The following DPP10 variants were observed in gnomAD, a reference collection of about 807,000 sequenced individuals.
DPP10 encodes the protein dipeptidyl peptidase like 10, also known as inactive dipeptidyl peptidase 10.
DPP10 carries 33 observed loss-of-function variants against 120.9 expected under a neutral mutation model. That is an observed-to-expected ratio of 0.27 (90% CI 0.21 to 0.37). The LOEUF (loss-of-function observed/expected upper bound fraction) is 0.37, where lower values mean the gene tolerates loss of function less well. Ranked by LOEUF, DPP10 falls within the 10% of genes least tolerant of loss-of-function variation. The pLI is 1.00. For synonymous variants in DPP10, 337 were observed against 326.1 expected, an observed-to-expected ratio of 1.03 and a Z score of -0.36; for missense variants, 816 against 942.8, an observed-to-expected ratio of 0.87 and a Z score of 1.76.
intron 1 of DPP10, among the ~76,000 whole-genome samples, chr2:115,029,309 G>A (rs573569379): frequency 1.3e-4 from 20 of 151,862 alleles, no homozygotes; most frequent in South Asian, 2.1e-4. Context: ...TACTGTTTTC[G>A]ATAGATTAGT....
chr2:115,363,070 A>G (rs1173989814), intron 3 of DPP10, among the ~76,000 whole-genome samples: 1 of 152,190 alleles, frequency 6.6e-6, no homozygotes, highest in African/African-American at 2.4e-5. Flanking sequence ...TGTCAACAGC[A>G]TCTGAAAGCA....
intron 5 of DPP10, among the ~76,000 whole-genome samples, chr2:115,534,689 G>A (rs2078694852): frequency 6.6e-6 from 1 of 150,792 alleles, no homozygotes; most frequent in African/African-American, 2.5e-5. Flanking sequence ...TCGCCACACT[G>A]AGTTCCACAA....
intron 1 of DPP10, among the ~76,000 whole-genome samples, chr2:114,922,172 A>G (rs1450522828): frequency 1.3e-5 from 2 of 152,220 alleles, no homozygotes; most frequent in African/African-American, 4.8e-5. Flanking sequence ...GAATACTCTC[A>G]GAATTGTTCA....
chr2:114,636,631 C>T (rs1361538386), intron 1 of DPP10, among the ~76,000 whole-genome samples: 1 of 151,920 alleles, frequency 6.6e-6, no homozygotes, highest in Admixed American at 6.5e-5. Context: ...TCCATGTTTG[C>T]TCAGATGTCC....
chr2:115,143,327 G>A (rs1169429554), intron 1 of DPP10, among the ~76,000 whole-genome samples: 1 of 152,152 alleles, frequency 6.6e-6, no homozygotes, highest in African/African-American at 2.4e-5. Flanking sequence ...TTCAGAGGAT[G>A]GAAGTTAAAG....
At chr2:114,772,749 G>C (rs1316839677) in intron 1 of DPP10, among the ~76,000 whole-genome samples, 2 of 151,658 alleles carry the variant, frequency 1.3e-5, no homozygotes, top group East Asian at 3.9e-4. Context: ...ACCATCTCCT[G>C]GTGGCTAACC....
intron 1 of DPP10, among the ~76,000 whole-genome samples, chr2:115,036,945 C>G (rs1355571826): frequency 4.6e-5 from 7 of 152,142 alleles, no homozygotes. Flanking sequence ...CAGGATCAAA[C>G]TAGTGCCAGA....
chr2:114,778,985 A>G (rs1682019145), intron 1 of DPP10, among the ~76,000 whole-genome samples: 1 of 152,048 alleles, frequency 6.6e-6, no homozygotes, highest in Admixed American at 6.6e-5. Context: ...GTAGCACCCT[A>G]GTTAATTCAA....
intron 1 of DPP10, among the ~76,000 whole-genome samples, chr2:114,925,600 G>GA (rs1695561262): frequency 6.6e-6 from 1 of 152,164 alleles, no homozygotes; most frequent in Admixed American, 6.5e-5. Context: ...AACACTTCTA[G>GA]TAGCATCCAA....
At chr2:115,004,718 A>G (rs1217809544) in intron 1 of DPP10, among the ~76,000 whole-genome samples, 4 of 152,048 alleles carry the variant, frequency 2.6e-5, no homozygotes, top group Non-Finnish European at 5.9e-5. Context: ...GGAGGGTCCT[A>G]CCCCATGGAG....
At chr2:115,730,798 C>T (rs17044929) in intron 8 of DPP10, among the ~76,000 whole-genome samples, 1,912 of 152,214 alleles carry the variant, frequency 0.013, 37 homozygotes, top group African/African-American at 0.041. Context: ...GTAGGTCTGA[C>T]GCATTCCAAA....
Position 115,739,884 on chromosome 2 carries a change from G to T in DPP10, c.843G>T (p.Pro281=), listed in dbSNP as rs146251151. The change falls in exon 9 of 26, where the codon CCG becomes CCT. Residue 281 remains proline, a synonymous_variant. Coordinates refer to ENST00000410059, the MANE Select transcript of DPP10 (RefSeq NM_020868.6). The stretch of plus-strand genomic sequence containing the variant: ...TGTATCCCAAAGGAAAGCAGTATCC[G>T]TATCCTAAGGTAAGTAACATGGAAG... ...GALYPKGKQY[P]YPKAGQVNPT... 6.2e-7 allele frequency: 1 copy of T among 1,612,806 alleles called. No individual in the cohort carries two copies. The highest frequency in any genetic ancestry group is 1.1e-5 in the South Asian group (1 of 91,030).
At chr2:114,743,137 T>C (rs1245358310) in intron 1 of DPP10, among the ~76,000 whole-genome samples, 1 of 152,188 alleles carries the variant, frequency 6.6e-6, no homozygotes, top group East Asian at 1.9e-4. Context: ...GAAGCAATAT[T>C]CCTGTGACTG....
chr2:115,460,045 C>A (rs1225228471), intron 3 of DPP10, among the ~76,000 whole-genome samples: 2 of 150,760 alleles, frequency 1.3e-5, no homozygotes, highest in East Asian at 3.9e-4. Flanking sequence ...TTATCTTTTT[C>A]TTTCTTCTCA....
At chr2:115,742,782 A>T (rs1272242370) in intron 9 of DPP10, among the ~76,000 whole-genome samples, 1 of 152,128 alleles carries the variant, frequency 6.6e-6, no homozygotes, top group Non-Finnish European at 1.5e-5. Flanking sequence ...AACTGAAACA[A>T]CACATAGAGT....
At chr2:114,960,153 C>T (rs1362759095) in intron 1 of DPP10, among the ~76,000 whole-genome samples, 2 of 152,090 alleles carry the variant, frequency 1.3e-5, no homozygotes, top group East Asian at 3.8e-4. Context: ...AATTTCATCT[C>T]CTACCAAACC....
intron 7 of DPP10, among the ~76,000 whole-genome samples, chr2:115,708,696 T>C (rs1396585750): frequency 6.6e-6 from 1 of 152,090 alleles, no homozygotes; most frequent in Non-Finnish European, 1.5e-5. Flanking sequence ...AACCTGTCCC[T>C]GAAAGCATAA....
In DPP10 at chr2:114,691,926, ATATCATTTCT is replaced by A. The variant is rs533485599; in HGVS notation, c.60+249099_60+249108del. Among the ~76,000 whole-genome samples, 1,149 of 152,030 alleles carry A rather than the reference ATATCATTTCT, an allele frequency of 7.6e-3. 13 individuals carry two copies. Among genetic ancestry groups the A allele is most frequent in the African/African-American group, 0.026 (1,080 of 41,516 alleles). ...CTGTATTTCTGTGGGGTCAGTGGTG[ATATCATTTCT>A]TATCATTTCTGATTGTGTTTATTTG... On this transcript the variant is annotated intron_variant, in intron 1 of 25. Transcript: ENST00000410059.
intron 1 of DPP10, among the ~76,000 whole-genome samples, chr2:114,586,566 T>C (rs1017216761): frequency 6.6e-6 from 1 of 152,212 alleles, no homozygotes. Flanking sequence ...ACTTGATAAA[T>C]AGTCACTATG....
Sources: gnomAD v4.1 joint callset for allele counts (sites outside exome capture counted in the v4.1 genomes callset) on GRCh38, gnomAD v4.1.1 for gene constraint, MANE v1.5 for transcripts, NCBI Gene and HGNC (gene_info 2026-07-23, HGNC 2026-07-21) for gene names.